Variants in NLRP3 observed in about 807,000 individuals in gnomAD.
NLRP3 encodes the protein NLR family pyrin domain containing 3, also known as NACHT, LRR and PYD domains-containing protein 3.
Under a neutral mutation model 91.3 loss-of-function variants are expected in NLRP3, and 48 were observed. The observed-to-expected ratio is 0.53, with a 90% CI of 0.42 to 0.67. The LOEUF is 0.67. Among genes scored for constraint, NLRP3 ranks in the 30% least tolerant of loss-of-function variants. The pLI is 0.00. For synonymous variants in NLRP3, 561 were observed against 507.9 expected, an observed-to-expected ratio of 1.10 and a Z score of -1.41; for missense variants, 982 against 1,276.9, an observed-to-expected ratio of 0.77 and a Z score of 3.52.
intron 4 of NLRP3, among the ~76,000 whole-genome samples, chr1:247,426,320 G>A (rs976277223): frequency 6.6e-6 from 1 of 152,210 alleles, no homozygotes; most frequent in African/African-American, 2.4e-5. Flanking sequence ...TCACACACTT[G>A]CTGGGTGGTT....
At chr1:247,435,898 T>A in intron 6 of NLRP3, 72 bp from the exon 7 acceptor site, 2 of 1,408,396 alleles carry the variant, frequency 1.4e-6, no homozygotes, top group Admixed American at 1.7e-5. Context: ...CAGTGGCAGG[T>A]ACGGGTGCTT....
At chr1:247,444,342 G>C (rs1205646907) in intron 8 of NLRP3, among the ~76,000 whole-genome samples, 200 bp downstream of exon 8, 1 of 152,154 alleles carries the variant, frequency 6.6e-6, no homozygotes, top group Non-Finnish European at 1.5e-5. Context: ...TACCATCACA[G>C]TTTTCTGTAC....
At chr1:247,420,411 A>AT (rs58853245) in intron 2 of NLRP3, among the ~76,000 whole-genome samples, 13,631 of 147,900 alleles carry the variant, frequency 0.092, 962 homozygotes, top group African/African-American at 0.2. Flanking sequence ...AGTTAGTATG[A>AT]TTTTTTTTTT....
rs36114868 is a variant in NLRP3, at chr1:247,433,859, C to T, written c.2322-244C>T. ...TCCAGAGCTCTCTTGTCAGGTGTGT[C>T]CTGATGCTTTCTCTATTCTGGAGCT... On this transcript the variant is annotated intron_variant, in intron 5 of 9. Coordinates refer to ENST00000336119, the MANE Select transcript of NLRP3 (RefSeq NM_001243133.2). Among the ~76,000 whole-genome samples the T allele has an allele frequency of 2.1e-3, 123 of 59,400 alleles. 3 individuals carry two copies. Among genetic ancestry groups the T allele is most frequent in the Middle Eastern group, 0.013 (1 of 80 alleles). The allele number at this position is 59,400 out of a possible 152,430, so 39.0% of individuals were successfully genotyped here.
In NLRP3 at chr1:247,448,585, A is replaced by G; in HGVS notation, c.*81A>G. 1.2e-6 allele frequency: 1 copy of G among 853,320 alleles called. No homozygotes were observed. Among genetic ancestry groups the G allele is most frequent in the Non-Finnish European group, 2.0e-6 (1 of 488,808 alleles). The allele number at this position is 853,320 out of a possible 1,614,324, so 52.9% of individuals were successfully genotyped here. A position where few individuals can be genotyped will look rare whatever the true frequency, so the allele number is the denominator to read the frequency against. On this transcript the variant is annotated 3_prime_UTR_variant, in exon 10 of 10. Coordinates refer to ENST00000336119, the MANE Select transcript of NLRP3 (RefSeq NM_001243133.2). ...CCTCAGGTGGAGAGAGCTGCGATCC[A>G]TCCAGGCCAAGACCACAGCTCTGTG... is the stretch of plus-strand genomic sequence containing the variant.
chr1:247,430,886 C>T (rs1663266764), intron 5 of NLRP3, among the ~76,000 whole-genome samples: 1 of 151,996 alleles, frequency 6.6e-6, no homozygotes, highest in Non-Finnish European at 1.5e-5. Context: ...CCCACCTCAG[C>T]TCCCCCGAGT....
At chr1:247,437,568 C>G (rs1252847508) in intron 7 of NLRP3, among the ~76,000 whole-genome samples, 1 of 152,212 alleles carries the variant, frequency 6.6e-6, no homozygotes, top group Non-Finnish European at 1.5e-5. Flanking sequence ...GGCAATTTGA[C>G]TTCTGCTTCT....
Position 247,425,692 on chromosome 1 carries a change from C to A in NLRP3, c.2150+93C>A. On this transcript the variant is annotated intron_variant, in intron 4 of 9. Coordinates refer to ENST00000336119, the MANE Select transcript of NLRP3 (RefSeq NM_001243133.2). This position sits in a 1 kb window ranked among gnomAD's most constrained non-coding sequence, Gnocchi z 4.1. ...CTCTCATCTCTTTTCAACTATCTTC[C>A]AAATACTGTTGCCACAGCTACATCA... 8.5e-7 allele frequency: 1 copy of A among 1,182,370 alleles called. No individual in the cohort carries two copies. Among genetic ancestry groups the A allele is most frequent in the Non-Finnish European group, 1.2e-6 (1 of 811,392 alleles). The allele number at this position is 1,182,370 out of a possible 1,614,324, so 73.2% of individuals were successfully genotyped here. A position where few individuals can be genotyped will look rare whatever the true frequency, so the allele number is the denominator to read the frequency against.
rs896841225 is a variant in NLRP3 at position 247,423,480 on chromosome 1, G to T, written c.397+131G>T. 4 of 1,093,836 alleles carry T rather than the reference G, an allele frequency of 3.7e-6. No homozygotes were observed. The African/African-American group carries it at 4.7e-5, about 13-fold the overall frequency. 67.8% of individuals were successfully genotyped at this position (1,093,836 alleles called of 1,614,324 possible). ...TTTGGAATGCAAAGGCCTGTCTCAGGAAATCCATTGTCAGTTGAAGAAACA... is the reference window on the plus strand; with the variant it reads ...TTTGGAATGCAAAGGCCTGTCTCAGTAAATCCATTGTCAGTTGAAGAAACA... On this transcript the variant is annotated intron_variant, in intron 3 of 9. Transcript: ENST00000336119.
At chr1:247,422,318 G>T (rs1662521234) in intron 2 of NLRP3, among the ~76,000 whole-genome samples, 1 of 151,012 alleles carries the variant, frequency 6.6e-6, no homozygotes, top group Non-Finnish European at 1.5e-5. Flanking sequence ...GGTTGAGGCT[G>T]CAGGGAGCCA....
At chr1:247,441,663 G>A (rs1383628771) in intron 7 of NLRP3, among the ~76,000 whole-genome samples, 33 of 89,300 alleles carry the variant, frequency 3.7e-4, no homozygotes, top group Non-Finnish European at 4.8e-5. Flanking sequence ...TGGATTGGTT[G>A]AAATCGAGAT....
Position 247,425,291 on chromosome 1 carries a change from C to G in NLRP3, c.1842C>G (p.Ala614=), listed in dbSNP as rs1410028681. The change falls in exon 4 of 10, where the codon GCC becomes GCG. Residue 614 remains alanine, a synonymous_variant. Coordinates refer to ENST00000336119, the MANE Select transcript of NLRP3 (RefSeq NM_001243133.2). This position sits in a 1 kb window ranked among gnomAD's most constrained non-coding sequence, Gnocchi z 4.1. ...LELLKWIEVK[A]KAKKLQIQPS... ...TGCTGAAATGGATTGAAGTGAAAGC[C>G]AAAGCTAAAAAGCTGCAGATCCAGC... 1.2e-6 allele frequency: 2 copies of G among 1,614,128 alleles called. No homozygotes were observed. Among genetic ancestry groups the G allele is most frequent in the Non-Finnish European group, 8.5e-7 (1 of 1,180,032 alleles).
intron 9 of NLRP3, 22 bp from the exon 10 acceptor site, chr1:247,448,383 G>C (rs1374774326): frequency 7.2e-7 from 1 of 1,381,660 alleles, no homozygotes; most frequent in South Asian, 1.2e-5. Context: ...GTGCAACCCA[G>C]GCTTTCTATT....
chr1:247,425,828 G>T lies in NLRP3; in HGVS notation c.2150+229G>T, dbSNP rs145464838. 2.1e-3 allele frequency: 1,194 copies of T among 565,588 alleles called. 12 individuals are homozygous for T. Among genetic ancestry groups the T allele is most frequent in the African/African-American group, 0.02 (1,084 of 53,318 alleles). The allele number at this position is 565,588 out of a possible 1,614,324, so 35.0% of individuals were successfully genotyped here. A position where few individuals can be genotyped will look rare whatever the true frequency, so the allele number is the denominator to read the frequency against. Reference sequence around the variant, plus strand: ...ATAAAACAAGGAACAAATGTTTGGGGAATGCCAGTTTAGCACAAGGTATTA... The same window carrying T: ...ATAAAACAAGGAACAAATGTTTGGGTAATGCCAGTTTAGCACAAGGTATTA... On this transcript the variant is annotated intron_variant, in intron 4 of 9. Coordinates refer to ENST00000336119, the MANE Select transcript of NLRP3 (RefSeq NM_001243133.2). The surrounding 1 kb of genome is among the most constrained non-coding windows in gnomAD (Gnocchi z 4.1).
At chr1:247,446,427 A>T (rs561704299) in intron 9 of NLRP3, among the ~76,000 whole-genome samples, 9 of 152,310 alleles carry the variant, frequency 5.9e-5, no homozygotes, top group African/African-American at 1.9e-4. Flanking sequence ...TCCATGCCCC[A>T]CATAATCCAG....
chr1:247,432,719 G>A lies in NLRP3; in HGVS notation c.2322-1384G>A, dbSNP rs142418006. ...GTTGGTGTAAGGATAGGGACAGAAA[G>A]GAAGGTGGTCTAACAGGCTCCAGGA... On this transcript the variant is annotated intron_variant, in intron 5 of 9. Transcript: ENST00000336119. Among the ~76,000 whole-genome samples, 5 of 152,278 alleles carry A rather than the reference G, an allele frequency of 3.3e-5. No homozygotes were observed. The East Asian group carries it at 7.7e-4, about 24-fold the overall frequency.
rs778650629 is a variant in NLRP3 at position 247,444,767 on chromosome 1, T to A, written c.2951T>A (p.Val984Asp). Reference protein sequence around the residue: ...LGNNDLGDLGVMMFCEVLKQQ... With the variant: ...LGNNDLGDLGDMMFCEVLKQQ... Reference sequence around the variant, plus strand: ...AACAATGACCTGGGCGACCTGGGGGTCATGATGTTCTGTGAAGTGCTGAAA... The same window carrying A: ...AACAATGACCTGGGCGACCTGGGGGACATGATGTTCTGTGAAGTGCTGAAA... The change falls in exon 9 of 10, where the codon GTC becomes GAC. Residue 984 changes from valine (V) to aspartate (D), a missense_variant. Physicochemically the swap from Val to Asp is radical, Grantham distance 152. Transcript: ENST00000336119. 3 of 1,613,534 alleles carry A rather than the reference T, an allele frequency of 1.9e-6. No homozygotes were observed. In the African/African-American group the frequency reaches 4.0e-5, roughly 22 times the overall value.
At position 247,418,598 on chromosome 1, in the gene NLRP3, G is replaced by C. The variant is rs1042817230; in HGVS notation, c.-203G>C. The C allele has an allele frequency of 1.9e-5, 12 of 646,566 alleles. No individual in the cohort carries two copies. The highest frequency in any genetic ancestry group is 8.8e-5 in the East Asian group (3 of 34,140). The allele number at this position is 646,566 out of a possible 1,614,324, so 40.1% of individuals were successfully genotyped here. ...ATTACAGGCGTGAGCCACTGTGCCC[G>C]GCCTTGGCTAACTTTTCAAAATTAA... On this transcript the variant is annotated 5_prime_UTR_variant, in exon 2 of 10. Coordinates refer to ENST00000336119, the MANE Select transcript of NLRP3 (RefSeq NM_001243133.2).
intron 3 of NLRP3, 71 bp downstream of exon 3, chr1:247,423,420 G>A: frequency 6.3e-7 from 1 of 1,588,370 alleles, no homozygotes; most frequent in South Asian, 1.1e-5. Context: ...AAGCTGAGCA[G>A]CTGGGTAACT....
Sources: gnomAD v4.1 joint callset for allele counts (sites outside exome capture counted in the v4.1 genomes callset) on GRCh38, gnomAD v4.1.1 for gene constraint, Gnocchi (gnomAD v3.1) non-coding constraint, MANE v1.5 for transcripts, NCBI Gene and HGNC (gene_info 2026-07-23, HGNC 2026-07-21) for gene names.